ZNF385B: variants seen among roughly 807,000 people sequenced by gnomAD.
ZNF385B encodes the protein zinc finger protein 533.
ZNF385B carries 23 observed loss-of-function variants against 39.2 expected under a neutral mutation model. The ratio of observed to expected loss-of-function variants is 0.59; its 90% CI spans 0.42 to 0.83. The LOEUF (loss-of-function observed/expected upper bound fraction) is 0.83. ZNF385B is among the 40% of genes least tolerant of loss of function. ZNF385B has a pLI of 0.00. For synonymous variants in ZNF385B, 205 were observed against 222.6 expected (o/e 0.92, Z 0.70); for missense variants, 552 against 598.9 (o/e 0.92, Z 0.82).
At chr2:179,503,630 T>C (rs2056961657) in intron 5 of ZNF385B, among the ~76,000 whole-genome samples, 1 of 152,238 alleles carries the variant, frequency 6.6e-6, no homozygotes, top group Non-Finnish European at 1.5e-5. Flanking sequence ...ACTATCTGTG[T>C]AAATGTTTAA....
At chr2:179,644,126 G>T (rs1449469604) in intron 3 of ZNF385B, among the ~76,000 whole-genome samples, 1 of 151,990 alleles carries the variant, frequency 6.6e-6, no homozygotes, top group Non-Finnish European at 1.5e-5. Flanking sequence ...TGAAATCCTG[G>T]AGTTTGCTTC....
intron 3 of ZNF385B, among the ~76,000 whole-genome samples, chr2:179,762,144 C>T (rs1239203257): frequency 6.6e-6 from 1 of 152,002 alleles, no homozygotes; most frequent in Admixed American, 6.6e-5. Context: ...TGGATGTGAT[C>T]ATGTGACTTC....
intron 3 of ZNF385B, among the ~76,000 whole-genome samples, chr2:179,707,371 A>T (rs1390769792): frequency 6.6e-6 from 1 of 152,188 alleles, no homozygotes; most frequent in Non-Finnish European, 1.5e-5. Flanking sequence ...GATGCCAATA[A>T]TGAGGACCAG....
intron 3 of ZNF385B, among the ~76,000 whole-genome samples, chr2:179,594,781 T>C (rs112430728): frequency 1.3e-5 from 2 of 149,596 alleles, no homozygotes; most frequent in Non-Finnish European, 3.0e-5. Context: ...ATTGTCTCAG[T>C]TGATATAGGT....
At chr2:179,569,853 T>A (rs1288840288) in intron 3 of ZNF385B, among the ~76,000 whole-genome samples, 1 of 152,194 alleles carries the variant, frequency 6.6e-6, no homozygotes, top group East Asian at 1.9e-4. Flanking sequence ...TATTTCCTCA[T>A]TTAGTCCCTC....
chr2:179,801,216 T>C (rs1559206971), intron 1 of ZNF385B, among the ~76,000 whole-genome samples: 1 of 152,112 alleles, frequency 6.6e-6, no homozygotes, highest in Non-Finnish European at 1.5e-5. Flanking sequence ...ACTATGGAGT[T>C]GTTACTAGGA....
chr2:179,616,388 C>G (rs1689737741), intron 3 of ZNF385B, among the ~76,000 whole-genome samples: 1 of 152,176 alleles, frequency 6.6e-6, no homozygotes. Flanking sequence ...GGCTGGAGTG[C>G]AGTGGCACAA....
intron 3 of ZNF385B, among the ~76,000 whole-genome samples, chr2:179,546,085 A>T (rs1056621763): frequency 3.3e-5 from 5 of 152,068 alleles, no homozygotes; most frequent in African/African-American, 1.2e-4. Flanking sequence ...CCCAGGCTGG[A>T]GTGCAGTGGT....
intron 3 of ZNF385B, among the ~76,000 whole-genome samples, chr2:179,763,028 C>T (rs1703491022): frequency 2.0e-5 from 3 of 152,170 alleles, no homozygotes; most frequent in African/African-American, 7.2e-5. Context: ...TCTCAACCTC[C>T]AGAATAGCTG....
At chr2:179,505,777 A>G (rs1485980937) in intron 5 of ZNF385B, among the ~76,000 whole-genome samples, 1 of 152,106 alleles carries the variant, frequency 6.6e-6, no homozygotes, top group Non-Finnish European at 1.5e-5. Context: ...GGGATGTGGG[A>G]CAGTTCACTT....
At chr2:179,743,428 T>A (rs1304298077) in intron 3 of ZNF385B, among the ~76,000 whole-genome samples, 1 of 152,056 alleles carries the variant, frequency 6.6e-6, no homozygotes, top group East Asian at 1.9e-4. Flanking sequence ...TCTTTACATG[T>A]GTAATCACTT....
intron 1 of ZNF385B, among the ~76,000 whole-genome samples, chr2:179,800,961 A>G (rs6735731): frequency 0.012 from 1,814 of 152,188 alleles, 38 homozygotes; most frequent in African/African-American, 0.041. Context: ...CTGTTACCCA[A>G]TTCATAAGCA....
At chr2:179,641,001 A>G (rs1180329511) in intron 3 of ZNF385B, among the ~76,000 whole-genome samples, 1 of 152,182 alleles carries the variant, frequency 6.6e-6, no homozygotes, top group Non-Finnish European at 1.5e-5. Context: ...TTATGGATCT[A>G]TTCAGCACAA....
chr2:179,827,981 G>T (rs1365854885), intron 1 of ZNF385B, among the ~76,000 whole-genome samples: 1 of 152,032 alleles, frequency 6.6e-6, no homozygotes, highest in Non-Finnish European at 1.5e-5. Context: ...ATTCTTTTGT[G>T]AGTTTTGTCT....
intron 3 of ZNF385B, among the ~76,000 whole-genome samples, chr2:179,560,203 C>T (rs1027372360): frequency 2.0e-5 from 3 of 152,174 alleles, no homozygotes; most frequent in Non-Finnish European, 4.4e-5. Flanking sequence ...GCCATAATGA[C>T]TTCTTCATAA....
intron 4 of ZNF385B, among the ~76,000 whole-genome samples, chr2:179,544,447 T>C (rs2060102850): frequency 1.4e-5 from 2 of 143,664 alleles, no homozygotes; most frequent in Admixed American, 6.8e-5. Flanking sequence ...AATCCTACAG[T>C]CATTTTTTTT....
At chr2:179,715,167 A>T (rs1559122821) in intron 3 of ZNF385B, among the ~76,000 whole-genome samples, 1 of 152,132 alleles carries the variant, frequency 6.6e-6, no homozygotes, top group East Asian at 1.9e-4. Flanking sequence ...AACTCTCAGG[A>T]GAATAAGGAT....
At chr2:179,666,025 A>G (rs1408361862) in intron 3 of ZNF385B, among the ~76,000 whole-genome samples, 1 of 152,164 alleles carries the variant, frequency 6.6e-6, no homozygotes, top group Non-Finnish European at 1.5e-5. Context: ...TCAGAGGGAG[A>G]TGGACAAGAC....
intron 3 of ZNF385B, among the ~76,000 whole-genome samples, chr2:179,651,054 T>A (rs1693152511): frequency 6.6e-6 from 1 of 152,184 alleles, no homozygotes; most frequent in Non-Finnish European, 1.5e-5. Context: ...TGACTTACCT[T>A]AACTGCATAA....
Sources: gnomAD v4.1 joint callset for allele counts (sites outside exome capture counted in the v4.1 genomes callset) on GRCh38, gnomAD v4.1.1 for gene constraint, MANE v1.5 for transcripts, NCBI Gene and HGNC (gene_info 2026-07-23, HGNC 2026-07-21) for gene names.